Variants in NRG1 observed in about 807,000 individuals in gnomAD.
NRG1 encodes the protein pro-neuregulin-1, membrane-bound isoform.
In NRG1, 18 loss-of-function variants were observed where a neutral mutation model predicts 63.8. That is an observed-to-expected ratio of 0.28 (90% CI 0.19 to 0.42). The LOEUF is 0.42. Among genes scored for constraint, NRG1 ranks in the 10% least tolerant of loss-of-function variants. The pLI is 1.00. For missense variants in NRG1, 762 were observed against 814.7 expected, an observed-to-expected ratio of 0.94 and a Z score of 0.79; for synonymous variants, 302 against 301.3, an observed-to-expected ratio of 1.00 and a Z score of -0.02.
intron 1 of NRG1, among the ~76,000 whole-genome samples, chr8:32,095,340 C>T (rs1198350672): frequency 6.6e-6 from 1 of 152,164 alleles, no homozygotes; most frequent in Non-Finnish European, 1.5e-5. Flanking sequence ...TCTCGTCAAG[C>T]AGAGTTTCCC....
chr8:31,742,509 ATGT>A (rs1231718051), intron 1 of NRG1, among the ~76,000 whole-genome samples: 2 of 89,150 alleles, frequency 2.2e-5, no homozygotes, highest in Admixed American at 1.4e-4. Flanking sequence ...TCTATGGAAA[ATGT>A]TGTTTGACCT....
intron 1 of NRG1, among the ~76,000 whole-genome samples, chr8:31,740,466 T>A (rs1815147154): frequency 6.6e-6 from 1 of 151,942 alleles, no homozygotes; most frequent in Non-Finnish European, 1.5e-5. Flanking sequence ...AAAATAGAGT[T>A]CAGTGATTTT....
intron 1 of NRG1, among the ~76,000 whole-genome samples, chr8:31,711,626 T>G (rs1418096602): frequency 6.6e-6 from 1 of 152,216 alleles, no homozygotes; most frequent in Admixed American, 6.5e-5. Flanking sequence ...TAAGTTGTCT[T>G]TATGTCTCTC....
At chr8:32,566,780 A>G (rs1388731179) in intron 1 of NRG1, among the ~76,000 whole-genome samples, 1 of 152,242 alleles carries the variant, frequency 6.6e-6, no homozygotes, top group Non-Finnish European at 1.5e-5. Context: ...GGAAAATATT[A>G]ATGCTTCAGA....
At chr8:32,404,295 A>G (rs1813651306) in intron 1 of NRG1, among the ~76,000 whole-genome samples, 1 of 151,628 alleles carries the variant, frequency 6.6e-6, no homozygotes, top group Non-Finnish European at 1.5e-5. Context: ...TCAGGGAAGG[A>G]GGAACCATAG....
intron 1 of NRG1, among the ~76,000 whole-genome samples, chr8:32,390,617 A>AAAAG (rs1554525667): frequency 6.0e-5 from 9 of 150,582 alleles, no homozygotes; most frequent in South Asian, 2.1e-4. Flanking sequence ...AAAAAAAAAA[A>AAAAG]AAGAAGAAGA....
rs542529597 is a variant in NRG1 at position 32,251,698 on chromosome 8, A to G, written c.38-344130A>G. Among the ~76,000 whole-genome samples, 6 of 152,226 alleles carry G rather than the reference A, an allele frequency of 3.9e-5. No homozygotes were observed. In the South Asian group the frequency reaches 1.2e-3, roughly 32 times the overall value. On this transcript the variant is annotated intron_variant, in intron 1 of 10. Transcript: ENST00000519301. ...AGTGTAAAAGTGTTCCTATTTCTCC[A>G]CATCTTCTCTAGCATCTTGTTTCCT...
At chr8:31,648,556 A>G (rs1033655442) in intron 1 of NRG1, among the ~76,000 whole-genome samples, 3 of 152,124 alleles carry the variant, frequency 2.0e-5, no homozygotes, top group African/African-American at 7.2e-5. Context: ...ATTAAATTAC[A>G]ACTTCTCATT....
In NRG1 at chr8:32,104,308, A is replaced by C. The variant is rs1166986634; in HGVS notation, c.37+464877A>C. On this transcript the variant is annotated intron_variant, in intron 1 of 10. Coordinates refer to the NRG1 transcript ENST00000519301. ...TAGAAAAGGCACAGTAAAATATGGT[A>C]TAAAAGATTTTATTTAAAGTACACC... is the stretch of plus-strand genomic sequence containing the variant. 2.0e-5 allele frequency among the ~76,000 whole-genome samples: 3 copies of C among 152,180 alleles called. No homozygotes were observed. In the South Asian group the frequency reaches 6.2e-4, roughly 31 times the overall value.
At chr8:32,321,779 T>C (rs754248133) in intron 1 of NRG1, among the ~76,000 whole-genome samples, 5 of 152,122 alleles carry the variant, frequency 3.3e-5, no homozygotes, top group Non-Finnish European at 5.9e-5. Flanking sequence ...GCTTTTGATA[T>C]ACCTTTTAAA....
chr8:32,031,290 A>G (rs1174438778), intron 1 of NRG1, among the ~76,000 whole-genome samples: 1 of 152,212 alleles, frequency 6.6e-6, no homozygotes, highest in Non-Finnish European at 1.5e-5. Flanking sequence ...AAAGGTAGGT[A>G]GGTGGCCTTT....
At chr8:32,166,008 A>G (rs1180750423) in intron 1 of NRG1, among the ~76,000 whole-genome samples, 3 of 152,010 alleles carry the variant, frequency 2.0e-5, no homozygotes, top group Non-Finnish European at 4.4e-5. Flanking sequence ...TTTCATCCTC[A>G]CCCTGCTTTA....
chr8:31,665,352 G>A (rs563326737), intron 1 of NRG1, among the ~76,000 whole-genome samples: 5 of 152,136 alleles, frequency 3.3e-5, no homozygotes, highest in Non-Finnish European at 5.9e-5. Context: ...ACACAGAAAT[G>A]CTCTGAGAAC....
intron 1 of NRG1, among the ~76,000 whole-genome samples, chr8:31,816,346 C>T (rs959483656): frequency 6.6e-6 from 1 of 152,160 alleles, no homozygotes; most frequent in African/African-American, 2.4e-5. Context: ...CCCACAGATC[C>T]TAAGCCACAT....
chr8:32,094,996 C>CT (rs1459758962), intron 1 of NRG1, among the ~76,000 whole-genome samples: 1 of 150,894 alleles, frequency 6.6e-6, no homozygotes, highest in Non-Finnish European at 1.5e-5. Flanking sequence ...ACTGCAACCT[C>CT]TGTCTCCCTG....
At chr8:32,685,559 C>T (rs1809874945) in intron 5 of NRG1, among the ~76,000 whole-genome samples, 1 of 152,184 alleles carries the variant, frequency 6.6e-6, no homozygotes, top group Non-Finnish European at 1.5e-5. Flanking sequence ...CTTATGGAAA[C>T]AACGTAATAG....
intron 1 of NRG1, among the ~76,000 whole-genome samples, chr8:32,000,279 A>G (rs1262898695): frequency 6.6e-6 from 1 of 152,014 alleles, no homozygotes; most frequent in Non-Finnish European, 1.5e-5. Flanking sequence ...ACATGTATCC[A>G]GAGTTGTTCC....
At chr8:31,772,274 A>G (rs372483061) in intron 1 of NRG1, among the ~76,000 whole-genome samples, 1 of 151,990 alleles carries the variant, frequency 6.6e-6, no homozygotes. Context: ...TTCTGTACCT[A>G]TATGTGCTAC....
chr8:32,195,321 C>T (rs971129467), intron 1 of NRG1, among the ~76,000 whole-genome samples: 6 of 151,938 alleles, frequency 3.9e-5, no homozygotes, highest in Non-Finnish European at 8.8e-5. Context: ...CACCTATTGT[C>T]CCAGTTGCTC....
Sources: allele counts gnomAD v4.1 joint callset (sites outside exome capture counted in the v4.1 genomes callset), GRCh38; gene constraint gnomAD v4.1.1; transcripts MANE v1.5; gene names NCBI Gene and HGNC (gene_info 2026-07-23, HGNC 2026-07-21).